LRRC2: variants seen among roughly 807,000 people sequenced by gnomAD.
LRRC2 encodes the protein leucine-rich repeat-containing protein 2.
LRRC2 carries 27 observed loss-of-function variants against 40.2 expected under a neutral mutation model. That is an observed-to-expected ratio of 0.67 (90% CI 0.49 to 0.93). The LOEUF is 0.93. Among genes scored for constraint, LRRC2 ranks in the 40% least tolerant of loss-of-function variants. The pLI is 0.00. For missense variants in LRRC2, 402 were observed against 439.6 expected (o/e 0.91, Z 0.76); for synonymous variants, 147 against 158.9 (o/e 0.92, Z 0.56).
At chr3:46,563,227 G>C (rs1704985314) in intron 1 of LRRC2, among the ~76,000 whole-genome samples, 1 of 152,046 alleles carries the variant, frequency 6.6e-6, no homozygotes, top group South Asian at 2.1e-4. Context: ...TTGGTCTCCT[G>C]GCTTCCCACT....
intron 1 of LRRC2, among the ~76,000 whole-genome samples, chr3:46,564,776 C>T (rs1011108544): frequency 1.3e-5 from 2 of 152,174 alleles, no homozygotes; most frequent in African/African-American, 4.8e-5. Context: ...CCCAGGCTGC[C>T]CAGCTCCAAG....
intron 3 of LRRC2, among the ~76,000 whole-genome samples, chr3:46,540,057 C>G (rs767941662): frequency 1.3e-5 from 2 of 152,196 alleles, no homozygotes. Context: ...GTGGAAAACT[C>G]CATGGCAGTT....
intron 4 of LRRC2, among the ~76,000 whole-genome samples, chr3:46,534,043 G>A (rs889172805): frequency 6.6e-6 from 1 of 151,666 alleles, no homozygotes; most frequent in African/African-American, 2.4e-5. Flanking sequence ...AGCCCCACAT[G>A]CATTAGGTAT....
At chr3:46,561,390 A>G (rs1343343204) in intron 1 of LRRC2, among the ~76,000 whole-genome samples, 2 of 152,130 alleles carry the variant, frequency 1.3e-5, no homozygotes, top group Admixed American at 6.5e-5. Context: ...AATAAAAAAT[A>G]AAATGAATAA....
chr3:46,562,096 T>C (rs1004014830), intron 1 of LRRC2, among the ~76,000 whole-genome samples: 1 of 152,236 alleles, frequency 6.6e-6, no homozygotes, highest in Non-Finnish European at 1.5e-5. Flanking sequence ...CTAGACTTAG[T>C]GACTCACTTC....
chr3:46,551,332 G>C, intron 2 of LRRC2, 135 bp downstream of exon 2: 1 of 1,073,766 alleles, frequency 9.3e-7, no homozygotes, highest in East Asian at 2.4e-5. Context: ...GTAAGGCTCT[G>C]AAGTTTAATG....
chr3:46,561,752 TAG>T (rs1704948816), intron 1 of LRRC2, among the ~76,000 whole-genome samples: 1 of 152,110 alleles, frequency 6.6e-6, no homozygotes. Context: ...TTGCTAACAA[TAG>T]AGTCTCCAAT....
Position 46,530,048 on chromosome 3 carries a change from T to C in LRRC2, c.630A>G (p.Leu210=). The part of the protein sequence containing the change: ...NLELMELPFE[L]SNLKQVTFVD... The stretch of plus-strand genomic sequence containing the variant: ...CAAATGTAACTTGCTTCAAATTACT[T>C]AACTAGAAATGAATAACAAAATGTT... The change falls in exon 6 of 9, where the codon TTA becomes TTG. Residue 210 remains leucine, a splice_region_variant and synonymous_variant. Transcript: ENST00000395905. 1 of 1,606,518 alleles carries C rather than the reference T, an allele frequency of 6.2e-7. No individual in the cohort carries two copies. Among genetic ancestry groups the C allele is most frequent in the Non-Finnish European group, 8.5e-7 (1 of 1,173,302 alleles).
chr3:46,548,361 C>T (rs1351615205), intron 2 of LRRC2, among the ~76,000 whole-genome samples: 1 of 151,568 alleles, frequency 6.6e-6, no homozygotes, highest in East Asian at 1.9e-4. Context: ...TGTCTGATTC[C>T]CTCTGAAACC....
chr3:46,544,244 C>T (rs1364267660), intron 3 of LRRC2, among the ~76,000 whole-genome samples: 3 of 152,042 alleles, frequency 2.0e-5, no homozygotes, highest in Non-Finnish European at 4.4e-5. Flanking sequence ...AAAGCCCGGG[C>T]GTGGTGGCTC....
At position 46,522,971 on chromosome 3, in the gene LRRC2, G is replaced by A. The variant is rs145194617; in HGVS notation, c.930-1313C>T. The stretch of plus-strand genomic sequence containing the variant: ...GGCCCTGCTGTCTTGAGATGTTAGC[G>A]TGTTCTCATTGGATTATAGATGAGA... On this transcript the variant is annotated intron_variant, in intron 7 of 8. Coordinates refer to ENST00000395905, the MANE Select transcript of LRRC2 (RefSeq NM_024512.5). Among the ~76,000 whole-genome samples, 573 of 152,198 alleles carry A rather than the reference G, an allele frequency of 3.8e-3. 4 individuals carry two copies. Among genetic ancestry groups the A allele is most frequent in the African/African-American group, 0.013 (529 of 41,532 alleles).
At chr3:46,521,801 A>C (rs989961931) in intron 7 of LRRC2, 143 bp from the exon 8 acceptor site, 3 of 736,458 alleles carry the variant, frequency 4.1e-6, no homozygotes, top group Non-Finnish European at 6.4e-6. Context: ...CAGCATCACC[A>C]GTGGAATTCC....
intron 1 of LRRC2, among the ~76,000 whole-genome samples, chr3:46,554,088 T>C (rs967897521): frequency 2.6e-5 from 4 of 151,856 alleles, no homozygotes; most frequent in East Asian, 3.9e-4. Flanking sequence ...GACACCATCA[T>C]GGTTCACTGC....
chr3:46,527,099 G>C (rs1488844089), intron 7 of LRRC2, among the ~76,000 whole-genome samples: 2 of 152,142 alleles, frequency 1.3e-5, no homozygotes, highest in African/African-American at 4.8e-5. Flanking sequence ...ACCAGGGAGG[G>C]TCCTTTCAAC....
chr3:46,558,149 A>G (rs780458521), intron 1 of LRRC2: 1 of 152,220 alleles, frequency 6.6e-6, no homozygotes, highest in Non-Finnish European at 1.5e-5. Flanking sequence ...TCTCACATGC[A>G]CACTGCTGAT....
intron 1 of LRRC2, among the ~76,000 whole-genome samples, chr3:46,561,490 T>C (rs1324504532): frequency 2.6e-5 from 4 of 152,114 alleles, no homozygotes; most frequent in Admixed American, 2.0e-4. Context: ...GAGGCAGATG[T>C]TGCAGTGAGC....
chr3:46,551,734 T>A, intron 1 of LRRC2, 124 bp from the exon 2 acceptor site: 3 of 395,696 alleles, frequency 7.6e-6, no homozygotes, highest in Non-Finnish European at 1.3e-5. Flanking sequence ...CCTTACTACT[T>A]CAAGGATGAC....
At chr3:46,541,634 C>T (rs1575353335) in intron 3 of LRRC2, among the ~76,000 whole-genome samples, 1 of 152,250 alleles carries the variant, frequency 6.6e-6, no homozygotes, top group South Asian at 2.1e-4. Context: ...TGAGATACAA[C>T]CTGGGCTTCT....
intron 1 of LRRC2, among the ~76,000 whole-genome samples, chr3:46,556,791 T>G (rs112782854): frequency 6.6e-6 from 1 of 151,922 alleles, no homozygotes; most frequent in Non-Finnish European, 1.5e-5. Context: ...GTTGATCAGG[T>G]TGGTCTCGAA....
Sources: gnomAD v4.1 joint callset for allele counts (sites outside exome capture counted in the v4.1 genomes callset) on GRCh38, gnomAD v4.1.1 for gene constraint, MANE v1.5 for transcripts, NCBI Gene and HGNC (gene_info 2026-07-23, HGNC 2026-07-21) for gene names.